NRBP2: variants seen among roughly 807,000 people sequenced by gnomAD.
NRBP2 encodes nuclear receptor-binding protein 2.
NRBP2 carries 47 observed loss-of-function variants against 74.4 expected under a neutral mutation model. That is an observed-to-expected ratio of 0.63 (90% confidence interval 0.50 to 0.81). The LOEUF is 0.81. Ranked by LOEUF, NRBP2 falls within the 30% of genes least tolerant of loss-of-function variation. The pLI, the probability that NRBP2 is intolerant of heterozygous loss-of-function variation, is 0.00. For missense variants in NRBP2, 613 were observed against 690.1 expected (o/e 0.89, Z 1.25); for synonymous variants, 312 against 273.8 (o/e 1.14, Z -1.38).
At position 143,837,479 on chromosome 8, in the gene NRBP2, T is replaced by G; in HGVS notation, c.1004A>C (p.Lys335Thr). Residue 335 changes from lysine to threonine, a missense_variant, in exon 12 of 18, where the codon AAG becomes ACG. Physicochemically the swap from Lys to Thr is moderately conservative, Grantham distance 78 (BLOSUM62 -1). Coordinates refer to ENST00000442628, the MANE Select transcript of NRBP2 (RefSeq NM_178564.4). This position sits in a 1 kb window ranked among gnomAD's most constrained non-coding sequence, Gnocchi z 4.3. ...YLMPENVVEE[K>T]TKAMDLHAVL... ...CGCGTGCAGGTCCATGGCCTTGGTC[T>G]TCTCCTCCACCACATTCTCAGGCAT... 4.3e-6 allele frequency: 7 copies of G among 1,611,288 alleles called. No homozygotes were observed. In the South Asian group the frequency reaches 4.4e-5, roughly 10 times the overall value.
intron 10 of NRBP2, chr8:143,838,004 G>A (rs1554652432): frequency 2.9e-6 from 2 of 695,908 alleles, no homozygotes; most frequent in African/African-American, 3.5e-5. Context: ...AAAAATCGTG[G>A]GGAGAAGCCA....
In NRBP2 at chr8:143,836,891, A is replaced by G. The variant is rs183352177; in HGVS notation, c.1263+148T>C. The G allele has an allele frequency of 1.6e-4, 140 of 898,142 alleles. No homozygotes were observed. The African/African-American group carries it at 2.0e-3, about 13-fold the overall frequency. 55.6% of individuals were successfully genotyped at this position (898,142 alleles called of 1,614,324 possible). A position where few individuals can be genotyped will look rare whatever the true frequency, so the allele number is the denominator to read the frequency against. ...CTGTCCTATAACCCCCATGACCCCC[A>G]CAAGGGGGTCAGCCTGGATCTGGTC... On this transcript the variant is annotated intron_variant, in intron 14 of 17. Transcript: ENST00000442628.
downstream of NRBP2, among the ~76,000 whole-genome samples, chr8:143,832,578 A>C (rs1475037846): frequency 5.3e-5 from 8 of 152,262 alleles, no homozygotes; most frequent in Non-Finnish European, 1.2e-4. Context: ...TTAGGGCTGG[A>C]GGTGGGACCT....
chr8:143,839,672 C>G lies in NRBP2; in HGVS notation c.444+64G>C. The G allele has an allele frequency of 2.0e-6, 3 of 1,528,440 alleles. No individual in the cohort carries two copies. The highest frequency in any genetic ancestry group is 2.6e-6 in the Non-Finnish European group (3 of 1,142,392). The allele number at this position is 1,528,440 out of a possible 1,614,324, so 94.7% of individuals were successfully genotyped here. On this transcript the variant is annotated intron_variant, in intron 4 of 17. Transcript: ENST00000442628. The surrounding 1 kb of genome is among the most constrained non-coding windows in gnomAD (Gnocchi z 5.1). ...GGCCGCCGGGCACCCCCTCACCATC[C>G]CAGTCCCCGAGGCTGCCCCAACCCC...
chr8:143,832,539 T>C (rs1336234990), downstream of NRBP2, among the ~76,000 whole-genome samples: 1 of 152,234 alleles, frequency 6.6e-6, no homozygotes, highest in Non-Finnish European at 1.5e-5. Context: ...GATTGCATGC[T>C]CCATCTACTG....
rs1342129889 is a variant in NRBP2, at chr8:143,839,484, C to T, written c.485+25G>A. ...GAGAGATGGGGGCTCGGTGGCGCCG[C>T]GCCCAGGCCAGCCCAGGCCCTCACC... On this transcript the variant is annotated intron_variant, in intron 5 of 17. Coordinates refer to ENST00000442628, the MANE Select transcript of NRBP2 (RefSeq NM_178564.4). This position sits in a 1 kb window ranked among gnomAD's most constrained non-coding sequence, Gnocchi z 5.1. 2.0e-5 allele frequency: 30 copies of T among 1,530,516 alleles called. No individual in the cohort carries two copies. The highest frequency in any genetic ancestry group is 2.4e-5 in the Non-Finnish European group (28 of 1,143,660). The allele number at this position is 1,530,516 out of a possible 1,614,324, so 94.8% of individuals were successfully genotyped here. A position where few individuals can be genotyped will look rare whatever the true frequency, so the allele number is the denominator to read the frequency against.
rs1818651941 is a variant in NRBP2 at position 143,840,626 on chromosome 8, C to T, written c.129+80G>A. 2 of 1,277,570 alleles carry T rather than the reference C, an allele frequency of 1.6e-6. No homozygotes were observed. Among genetic ancestry groups the T allele is most frequent in the Non-Finnish European group, 2.0e-6 (2 of 977,708 alleles). 79.1% of individuals were successfully genotyped at this position (1,277,570 alleles called of 1,614,324 possible). A position where few individuals can be genotyped will look rare whatever the true frequency, so the allele number is the denominator to read the frequency against. ...TTCCAGCCGCCGCGCTCTCCCAGCG[C>T]CCCCACGCCCCGCGCAGCCTCCAGG... is the stretch of plus-strand genomic sequence containing the variant. On this transcript the variant is annotated intron_variant, in intron 1 of 17. Transcript: ENST00000442628. This position sits in a 1 kb window ranked among gnomAD's most constrained non-coding sequence, Gnocchi z 5.7.
chr8:143,839,465 TG>T lies in NRBP2; in HGVS notation c.485+43del, dbSNP rs200368321. 7,792 of 1,530,992 alleles carry T rather than the reference TG, an allele frequency of 5.1e-3. 162 individuals are homozygous for T. In the African/African-American group the frequency reaches 0.066, roughly 13 times the overall value. 94.8% of individuals were successfully genotyped at this position (1,530,992 alleles called of 1,614,324 possible). A position where few individuals can be genotyped will look rare whatever the true frequency, so the allele number is the denominator to read the frequency against. On this transcript the variant is annotated intron_variant, in intron 5 of 17. Coordinates refer to ENST00000442628, the MANE Select transcript of NRBP2 (RefSeq NM_178564.4). The surrounding 1 kb of genome is among the most constrained non-coding windows in gnomAD (Gnocchi z 5.1). ...AGCCGGTCAGGAGGCTCTGGAGAGA[TG>T]GGGGCTCGGTGGCGCCGCGCCCAGG...
In NRBP2 at chr8:143,835,510, C is replaced by T; in HGVS notation, c.*152G>A. Reference sequence around the variant, plus strand: ...CCCTCGGCGCCCAAGGCAGGGTCAGCCCCACTCTCAGGAGACGGGGGGTTC... The same window carrying T: ...CCCTCGGCGCCCAAGGCAGGGTCAGTCCCACTCTCAGGAGACGGGGGGTTC... On this transcript the variant is annotated 3_prime_UTR_variant, in exon 18 of 18. Transcript: ENST00000442628. This position sits in a 1 kb window ranked among gnomAD's most constrained non-coding sequence, Gnocchi z 4.9. 1.4e-6 allele frequency: 1 copy of T among 726,684 alleles called. No homozygotes were observed. Among genetic ancestry groups the T allele is most frequent in the Non-Finnish European group, 2.3e-6 (1 of 435,128 alleles). 45.0% of individuals were successfully genotyped at this position (726,684 alleles called of 1,614,324 possible). A position where few individuals can be genotyped will look rare whatever the true frequency, so the allele number is the denominator to read the frequency against.
chr8:143,838,106 C>T, intron 10 of NRBP2: 2 of 512,066 alleles, frequency 3.9e-6, no homozygotes, highest in Non-Finnish European at 3.6e-6. Context: ...TGATGGGTCC[C>T]CACTCTGTCC....
In NRBP2 at chr8:143,839,330, G is replaced by A; in HGVS notation, c.564C>T (p.Leu188=). The change falls in exon 6 of 18, where the codon CTC becomes CTT. Residue 188 remains leucine, a synonymous_variant. Transcript: ENST00000442628. This position sits in a 1 kb window ranked among gnomAD's most constrained non-coding sequence, Gnocchi z 5.1. ...SDTIFIQHNG[L]IKIGSVWHRI... ...CGCCAGCACCGGAGCCGATCTTGAT[G>A]AGGCCGTTGTGCTGAATGAAGATGG... 1.3e-6 allele frequency: 2 copies of A among 1,562,552 alleles called. No homozygotes were observed. The highest frequency in any genetic ancestry group is 1.7e-6 in the Non-Finnish European group (2 of 1,155,866).
In NRBP2 at chr8:143,838,095, T is replaced by C. The variant is rs563917726; in HGVS notation, c.841-340A>G. 277 of 542,190 alleles carry C rather than the reference T, an allele frequency of 5.1e-4. 1 individual carries two copies. Among genetic ancestry groups the C allele is most frequent in the African/African-American group, 4.7e-3 (249 of 52,482 alleles). 33.6% of individuals were successfully genotyped at this position (542,190 alleles called of 1,614,324 possible). On this transcript the variant is annotated intron_variant, in intron 10 of 17. Coordinates refer to ENST00000442628, the MANE Select transcript of NRBP2 (RefSeq NM_178564.4). ...CTCGGGCCCAACACTGGAGACGACC[T>C]TGATGGGTCCCCACTCTGTCCACAT... is the stretch of plus-strand genomic sequence containing the variant.
Position 143,835,384 on chromosome 8 carries a change from A to C in NRBP2, c.*278T>G. 1.8e-6 allele frequency: 1 copy of C among 549,648 alleles called. No individual in the cohort carries two copies. 34.0% of individuals were successfully genotyped at this position (549,648 alleles called of 1,614,324 possible). A position where few individuals can be genotyped will look rare whatever the true frequency, so the allele number is the denominator to read the frequency against. ...CCCCGGCCAGGCAGCCTGGGTAGGAACTCAGGGCGGAGAATGGAGGATATG... is the reference window on the plus strand; with the variant it reads ...CCCCGGCCAGGCAGCCTGGGTAGGACCTCAGGGCGGAGAATGGAGGATATG... On this transcript the variant is annotated 3_prime_UTR_variant, in exon 18 of 18. Transcript: ENST00000442628. The surrounding 1 kb of genome is among the most constrained non-coding windows in gnomAD (Gnocchi z 4.9).
rs1818272386 is a variant in NRBP2 at position 143,834,424 on chromosome 8, G to A, written c.*1238C>T. The A allele has an allele frequency of 6.6e-6, 1 of 152,222 alleles. No individual in the cohort carries two copies. Among genetic ancestry groups the A allele is most frequent in the South Asian group, 2.1e-4 (1 of 4,830 alleles). The allele number at this position is 152,222 out of a possible 1,614,324, so 9.4% of individuals were successfully genotyped here. A position where few individuals can be genotyped will look rare whatever the true frequency, so the allele number is the denominator to read the frequency against. ...TTCTGCCAGCAGCCTGAAGGAGCAGGAGACAGAGTCTCCCCTAGAACCTCC... is the reference window on the plus strand; with the variant it reads ...TTCTGCCAGCAGCCTGAAGGAGCAGAAGACAGAGTCTCCCCTAGAACCTCC... On this transcript the variant is annotated 3_prime_UTR_variant, in exon 18 of 18. Coordinates refer to ENST00000442628, the MANE Select transcript of NRBP2 (RefSeq NM_178564.4).
Position 143,839,079 on chromosome 8 carries a change from C to G in NRBP2, c.626G>C (p.Ser209Thr). 1 of 1,528,472 alleles carries G rather than the reference C, an allele frequency of 6.5e-7. No homozygotes were observed. The highest frequency in any genetic ancestry group is 2.5e-5 in the East Asian group (1 of 40,734). 94.7% of individuals were successfully genotyped at this position (1,528,472 alleles called of 1,614,324 possible). Residue 209 changes from serine to threonine, a missense_variant, in exon 8 of 18, where the codon AGC (serine) becomes ACC (threonine). Ser to Thr is a moderately conservative substitution (Grantham distance 58). Transcript: ENST00000442628. This position sits in a 1 kb window ranked among gnomAD's most constrained non-coding sequence, Gnocchi z 5.1. ...TTCCTCTCGCTCAGCGCGGATGGGG[C>G]TTCGGAGATCATCTGGAAGTGCTGT... ...FSNALPDDLR[S>T]PIRAEREELR...
rs1554652644 is a variant in NRBP2, at chr8:143,838,868, G to A, written c.744+15C>T. On this transcript the variant is annotated intron_variant, in intron 9 of 17. Transcript: ENST00000442628. Reference sequence around the variant, plus strand: ...GGAGGAGGGCAGAGCACAAGGTGGAGGGCGGGGGCAGTACCTCCAGCGCAC... The same window carrying A: ...GGAGGAGGGCAGAGCACAAGGTGGAAGGCGGGGGCAGTACCTCCAGCGCAC... The A allele has an allele frequency of 3.7e-6, 6 of 1,613,446 alleles. No homozygotes were observed. Among genetic ancestry groups the A allele is most frequent in the Admixed American group, 1.7e-5 (1 of 59,920 alleles).
At chr8:143,836,879 C>T (rs561007545) in intron 14 of NRBP2, among the ~76,000 whole-genome samples, 160 bp downstream of exon 14, 1 of 152,168 alleles carries the variant, frequency 6.6e-6, no homozygotes, top group African/African-American at 2.4e-5. Context: ...TCCTATAACC[C>T]CCATGACCCC....
downstream of NRBP2, chr8:143,829,829 G>A (rs1818072231): frequency 6.6e-6 from 1 of 152,554 alleles, no homozygotes; most frequent in Non-Finnish European, 1.5e-5. Flanking sequence ...TCAATTGGCA[G>A]CTTTTTCTCC....
chr8:143,840,688 C>T lies in NRBP2; in HGVS notation c.129+18G>A, dbSNP rs1818656044. 2 of 1,472,838 alleles carry T rather than the reference C, an allele frequency of 1.4e-6. No individual in the cohort carries two copies. Among genetic ancestry groups the T allele is most frequent in the African/African-American group, 2.9e-5 (2 of 68,458 alleles). The allele number at this position is 1,472,838 out of a possible 1,614,324, so 91.2% of individuals were successfully genotyped here. On this transcript the variant is annotated intron_variant, in intron 1 of 17. Transcript: ENST00000442628. This position sits in a 1 kb window ranked among gnomAD's most constrained non-coding sequence, Gnocchi z 5.7. The stretch of plus-strand genomic sequence containing the variant: ...CTGGGAGGGCGGTGTCACCCCGTGC[C>T]CCAACCCCCGCGCCCACCTGCTCCC...
Sources: allele counts gnomAD v4.1 joint callset (sites outside exome capture counted in the v4.1 genomes callset), GRCh38; gene constraint gnomAD v4.1.1; non-coding constraint Gnocchi (gnomAD v3.1); transcripts MANE v1.5; gene names NCBI Gene and HGNC (gene_info 2026-07-23, HGNC 2026-07-21).